Variants in FANCA observed in about 807,000 individuals in gnomAD.
FANCA encodes the protein FA complementation group A.
Under a neutral mutation model 194.3 loss-of-function variants are expected in FANCA, and 236 were observed. That is an observed-to-expected ratio of 1.21 (90% confidence interval 1.09 to 1.35). FANCA has a LOEUF of 1.35. Ranked by LOEUF, FANCA falls within the 40% of genes most tolerant of loss-of-function variation. FANCA has a pLI of 0.00. For synonymous variants in FANCA, 1,014 were observed against 715.8 expected, an observed-to-expected ratio of 1.42 and a Z score of -6.65; for missense variants, 2,628 against 1,813.9, an observed-to-expected ratio of 1.45 and a Z score of -8.15.
At chr16:89,777,905 T>C (rs1253519829) in intron 20 of FANCA, among the ~76,000 whole-genome samples, 1 of 152,088 alleles carries the variant, frequency 6.6e-6, no homozygotes, top group Admixed American at 6.6e-5. Context: ...CTCACGCCTA[T>C]AATCCCAGCA....
chr16:89,781,619 T>C (rs1401676043), intron 17 of FANCA, among the ~76,000 whole-genome samples: 5 of 145,584 alleles, frequency 3.4e-5, no homozygotes, highest in Non-Finnish European at 7.4e-5. Context: ...GAGCTTGCAG[T>C]AAGCTGAGAT....
intron 8 of FANCA, among the ~76,000 whole-genome samples, chr16:89,801,614 G>A (rs188661115): frequency 1.8e-3 from 276 of 152,192 alleles, no homozygotes; most frequent in Non-Finnish European, 3.1e-3. Context: ...CTTTCACCAG[G>A]CATGGTGGAT....
At chr16:89,764,802 C>G (rs1290236559) in intron 28 of FANCA, 88 bp downstream of exon 28, 12 of 1,473,124 alleles carry the variant, frequency 8.1e-6, no homozygotes, top group Non-Finnish European at 9.5e-6. Context: ...GGAACGGTCA[C>G]CTACGTGCTG....
chr16:89,789,031 G>T (rs551197118), intron 14 of FANCA, among the ~76,000 whole-genome samples: 3 of 151,716 alleles, frequency 2.0e-5, no homozygotes, highest in Non-Finnish European at 4.4e-5. Flanking sequence ...GCCGCGGCTC[G>T]GGGAGACCCA....
intron 6 of FANCA, 42 bp downstream of exon 6, chr16:89,808,252 G>A: frequency 1.3e-6 from 2 of 1,575,718 alleles, no homozygotes; most frequent in Non-Finnish European, 1.7e-6. Context: ...TACTAGACTA[G>A]ACTGCAAAAA....
chr16:89,758,848 G>T, intron 29 of FANCA, 143 bp from the exon 30 acceptor site: 1 of 1,234,954 alleles, frequency 8.1e-7, no homozygotes, highest in Non-Finnish European at 1.1e-6. Flanking sequence ...CCTTGGAGTA[G>T]GGATGAGACC....
intron 15 of FANCA, among the ~76,000 whole-genome samples, 200 bp from the exon 16 acceptor site, chr16:89,783,302 G>C (rs1300051491): frequency 6.6e-6 from 1 of 152,120 alleles, no homozygotes; most frequent in Non-Finnish European, 1.5e-5. Context: ...TGTAATCCCA[G>C]CACTTTGGGA....
In FANCA at chr16:89,764,997, G is replaced by A. The variant is rs749778768; in HGVS notation, c.2671C>T (p.Leu891Phe). Reference protein sequence around the residue: ...QPLSEEDVASLSWRPLHLPSA... With the variant: ...QPLSEEDVASFSWRPLHLPSA... ...GGAAGGTGCAAGGGTCTCCAGGAAA[G>A]GCTGGCTACGTCCTCCTCAGAAAGA... Residue 891 changes from leucine to phenylalanine, a missense_variant, in exon 28 of 43, where the codon CTT becomes TTT. By Grantham distance (22) the Leu-to-Phe change is conservative. Coordinates refer to ENST00000389301, the MANE Select transcript of FANCA (RefSeq NM_000135.4). 4 of 1,614,254 alleles carry A rather than the reference G, an allele frequency of 2.5e-6. No individual in the cohort carries two copies. The South Asian group carries it at 4.4e-5, about 18-fold the overall frequency.
In FANCA at chr16:89,782,617, T is replaced by G. The variant is rs528962798; in HGVS notation, c.1626+242A>C. Among the ~76,000 whole-genome samples the G allele has an allele frequency of 3.3e-5, 5 of 152,182 alleles. No homozygotes were observed. In the South Asian group the frequency reaches 1.0e-3, roughly 32 times the overall value. On this transcript the variant is annotated intron_variant, in intron 17 of 42. Coordinates refer to ENST00000389301, the MANE Select transcript of FANCA (RefSeq NM_000135.4). ...CCAAGATCTCCCAAAAGGACAAATG[T>G]CCTGCAGCCTGAGGCACTTCACTCT...
At chr16:89,745,201 T>G in intron 35 of FANCA, 130 bp from the exon 36 acceptor site, 2 of 833,268 alleles carry the variant, frequency 2.4e-6, no homozygotes, top group Non-Finnish European at 3.9e-6. Flanking sequence ...GCTCTGGAAC[T>G]CCAAAGCCAG....
chr16:89,738,756 A>G, intron 42 of FANCA, 48 bp from the exon 43 acceptor site: 1 of 1,612,766 alleles, frequency 6.2e-7, no homozygotes, highest in Non-Finnish European at 8.5e-7. Context: ...ACTAGGCCTC[A>G]GACCACAGGG....
chr16:89,806,705 TTC>T (rs1206941462), intron 6 of FANCA, among the ~76,000 whole-genome samples: 1 of 152,158 alleles, frequency 6.6e-6, no homozygotes, highest in African/African-American at 2.4e-5. Flanking sequence ...GCAGAAGAAT[TTC>T]TCTTAGTACA....
At chr16:89,799,005 C>T in intron 10 of FANCA, 161 bp downstream of exon 10, 5 of 1,614,198 alleles carry the variant, frequency 3.1e-6, no homozygotes, top group Non-Finnish European at 4.2e-6. Context: ...CCGGGCTTTC[C>T]CATGGTCGCC....
chr16:89,765,058 GAACTGA>G lies in FANCA; in HGVS notation c.2604_2609del (p.Gln869_Phe870del). Reference sequence around the variant, plus strand: ...CCTCTGAGAACAATCTGAACATGAGGAACTGAAACTGAAACAGAGAGTGACCCGGCC... The same window carrying G: ...CCTCTGAGAACAATCTGAACATGAGGAACTGAAACAGAGAGTGACCCGGCC... On this transcript the variant is annotated inframe_deletion and splice_region_variant, in exon 28 of 43. Coordinates refer to ENST00000389301, the MANE Select transcript of FANCA (RefSeq NM_000135.4). 9 of 1,614,022 alleles carry G rather than the reference GAACTGA, an allele frequency of 5.6e-6. No individual in the cohort carries two copies. Among genetic ancestry groups the G allele is most frequent in the African/African-American group, 2.7e-5 (2 of 74,942 alleles).
At chr16:89,809,031 G>A (rs577190761) in intron 5 of FANCA, among the ~76,000 whole-genome samples, 1 of 151,612 alleles carries the variant, frequency 6.6e-6, no homozygotes, top group African/African-American at 2.4e-5. Flanking sequence ...TCAGCCTCCT[G>A]AGTAGCTGGG....
chr16:89,739,144 G>A lies in FANCA; in HGVS notation c.4156C>T (p.Leu1386Phe), dbSNP rs2062053882. ...VSPPAGRSLE[L>F]KGQGNPVELI... is the part of the protein sequence containing the mutation. ...GCCCTTGCACCTGCCTGACCCTTGA[G>A]CTCCAGGCTCCTGCCAGCTGGAGGT... The change falls in exon 41 of 43, where the codon CTC (leucine) becomes TTC (phenylalanine). Residue 1386 changes from leucine (L) to phenylalanine (F), a missense_variant. Transcript: ENST00000389301. The A allele has an allele frequency of 5.0e-6, 8 of 1,614,138 alleles. No individual in the cohort carries two copies. The highest frequency in any genetic ancestry group is 6.8e-6 in the Non-Finnish European group (8 of 1,180,022).
Position 89,805,264 on chromosome 16 carries a change from CTT to C in FANCA, c.709+14_709+15del, listed in dbSNP as rs758190526. The C allele has an allele frequency of 1.9e-5, 31 of 1,601,342 alleles. No individual in the cohort carries two copies. The Admixed American group carries it at 2.3e-4, about 12-fold the overall frequency. ...ATGAGTTTTACCCAAGAACCCGCAT[CTT>C]GTCATGAACGCACCAGAAAGCATGG... On this transcript the variant is annotated intron_variant, in intron 7 of 42. Coordinates refer to ENST00000389301, the MANE Select transcript of FANCA (RefSeq NM_000135.4).
intron 8 of FANCA, among the ~76,000 whole-genome samples, chr16:89,801,098 C>T (rs1398773516): frequency 1.3e-5 from 2 of 150,380 alleles, no homozygotes; most frequent in Non-Finnish European, 3.0e-5. Flanking sequence ...ATAATCCCAA[C>T]ACTTTGAGAG....
At chr16:89,780,473 C>T (rs1410174336) in intron 17 of FANCA, among the ~76,000 whole-genome samples, 1 of 151,970 alleles carries the variant, frequency 6.6e-6, no homozygotes, top group Non-Finnish European at 1.5e-5. Context: ...AATACAAAAA[C>T]ATTAGCCAGG....
Sources: allele counts gnomAD v4.1 joint callset (sites outside exome capture counted in the v4.1 genomes callset), GRCh38; gene constraint gnomAD v4.1.1; transcripts MANE v1.5; gene names NCBI Gene and HGNC (gene_info 2026-07-23, HGNC 2026-07-21).